PPM1H: variants seen among roughly 807,000 people sequenced by gnomAD.
PPM1H encodes protein phosphatase 1H.
Under a neutral mutation model 54.9 loss-of-function variants are expected in PPM1H, and 27 were observed. The observed-to-expected ratio is 0.49, with a 90% CI of 0.36 to 0.68. PPM1H has a LOEUF of 0.68. Among genes scored for constraint, PPM1H ranks in the 30% least tolerant of loss-of-function variants. The pLI, the probability that PPM1H is intolerant of heterozygous loss-of-function variation, is 0.00. For synonymous variants in PPM1H, 305 were observed against 270.8 expected, an observed-to-expected ratio of 1.13 and a Z score of -1.24; for missense variants, 596 against 667.8, an observed-to-expected ratio of 0.89 and a Z score of 1.19.
chr12:62,819,458 T>C (rs2076889160), intron 2 of PPM1H, among the ~76,000 whole-genome samples: 1 of 152,166 alleles, frequency 6.6e-6, no homozygotes, highest in African/African-American at 2.4e-5. Context: ...AAAGGAGAAA[T>C]GTTTATTGTT....
intron 4 of PPM1H, among the ~76,000 whole-genome samples, chr12:62,765,624 AAG>A (rs548936688): frequency 6.6e-6 from 1 of 152,176 alleles, no homozygotes; most frequent in Admixed American, 6.5e-5. Context: ...CCTATTAGGG[AAG>A]AGAGAGAGAC....
intron 1 of PPM1H, among the ~76,000 whole-genome samples, chr12:62,916,991 G>T: frequency 6.6e-6 from 1 of 151,118 alleles, no homozygotes; most frequent in East Asian, 1.9e-4. Flanking sequence ...CTGATTAACA[G>T]TACCATTCTG....
chr12:62,893,798 T>C (rs1199861928), intron 1 of PPM1H, among the ~76,000 whole-genome samples: 1 of 152,182 alleles, frequency 6.6e-6, no homozygotes, highest in Non-Finnish European at 1.5e-5. Context: ...TCATTTAATC[T>C]GAATTACCTC....
intron 4 of PPM1H, among the ~76,000 whole-genome samples, chr12:62,771,389 C>T (rs1483432072): frequency 6.6e-6 from 1 of 151,544 alleles, no homozygotes; most frequent in Non-Finnish European, 1.5e-5. Flanking sequence ...CCACATCTAA[C>T]CTGGTAAGAA....
At chr12:62,796,942 A>G (rs1459902859) in intron 3 of PPM1H, among the ~76,000 whole-genome samples, 1 of 152,190 alleles carries the variant, frequency 6.6e-6, no homozygotes, top group Non-Finnish European at 1.5e-5. Flanking sequence ...GACCCCATCC[A>G]GAAGCTACCC....
intron 8 of PPM1H, among the ~76,000 whole-genome samples, chr12:62,676,846 G>A (rs774641494): frequency 6.6e-6 from 1 of 152,130 alleles, no homozygotes; most frequent in Admixed American, 6.5e-5. Flanking sequence ...ACAGGTTCCT[G>A]GGGGGAAAGG....
At chr12:62,652,342 A>G (rs1278876000) in intron 9 of PPM1H, among the ~76,000 whole-genome samples, 1 of 152,202 alleles carries the variant, frequency 6.6e-6, no homozygotes. Flanking sequence ...CTTCCCAAGT[A>G]GCTAGGACTA....
intron 2 of PPM1H, among the ~76,000 whole-genome samples, chr12:62,803,000 C>T (rs929768437): frequency 6.7e-5 from 10 of 149,318 alleles, no homozygotes; most frequent in Admixed American, 6.6e-4. Flanking sequence ...GACCCATTTT[C>T]CCCTTTTAGA....
At chr12:62,778,776 T>C (rs1281086575) in intron 4 of PPM1H, among the ~76,000 whole-genome samples, 1 of 151,756 alleles carries the variant, frequency 6.6e-6, no homozygotes, top group Non-Finnish European at 1.5e-5. Flanking sequence ...CTACAAAAAA[T>C]AAAAATTAGC....
chr12:62,788,106 T>C (rs1343578935), intron 4 of PPM1H, 120 bp downstream of exon 4: 1 of 716,588 alleles, frequency 1.4e-6, no homozygotes, highest in Non-Finnish European at 2.3e-6. Context: ...CTTAAATGCA[T>C]TTTCATTCTG....
chr12:62,672,102 C>A (rs1355537213), intron 8 of PPM1H, among the ~76,000 whole-genome samples: 1 of 152,180 alleles, frequency 6.6e-6, no homozygotes, highest in African/African-American at 2.4e-5. Context: ...ATCGTCGAAA[C>A]TGATTGTTCC....
At chr12:62,896,751 T>C (rs1346511825) in intron 1 of PPM1H, among the ~76,000 whole-genome samples, 1 of 152,172 alleles carries the variant, frequency 6.6e-6, no homozygotes, top group African/African-American at 2.4e-5. Context: ...CATTACCGGG[T>C]ATATACCCAA....
intron 1 of PPM1H, among the ~76,000 whole-genome samples, chr12:62,879,133 G>C (rs1255731526): frequency 1.3e-5 from 2 of 152,220 alleles, no homozygotes; most frequent in Admixed American, 1.3e-4. Flanking sequence ...GTGGGGGCGA[G>C]AGCAGGAGGT....
chr12:62,911,358 T>C (rs770934913), intron 1 of PPM1H, among the ~76,000 whole-genome samples: 1 of 152,238 alleles, frequency 6.6e-6, no homozygotes, highest in Non-Finnish European at 1.5e-5. Context: ...ATTTTTACTT[T>C]AACACATTTT....
At chr12:62,825,809 C>G (rs1297585439) in intron 2 of PPM1H, among the ~76,000 whole-genome samples, 1 of 150,278 alleles carries the variant, frequency 6.7e-6, no homozygotes, top group Non-Finnish European at 1.5e-5. Flanking sequence ...GTGCAGCAAA[C>G]CAACATGGCA....
chr12:62,663,286 ATTGGAG>A (rs1012795591), intron 9 of PPM1H, among the ~76,000 whole-genome samples: 4 of 151,988 alleles, frequency 2.6e-5, no homozygotes, highest in African/African-American at 7.2e-5. Context: ...TGGTCCTACC[ATTGGAG>A]TTTTTATTTC....
At chr12:62,917,080 G>A (rs1427582452) in intron 1 of PPM1H, among the ~76,000 whole-genome samples, 1 of 152,216 alleles carries the variant, frequency 6.6e-6, no homozygotes, top group African/African-American at 2.4e-5. Flanking sequence ...TTTGACTTAT[G>A]TGAATTTTCA....
At chr12:62,835,350 T>C (rs1459295560) in intron 1 of PPM1H, among the ~76,000 whole-genome samples, 1 of 152,244 alleles carries the variant, frequency 6.6e-6, no homozygotes, top group South Asian at 2.1e-4. Context: ...TGGATGATCA[T>C]GACTGGCGCA....
chr12:62,807,415 A>G (rs1408994833), intron 2 of PPM1H, among the ~76,000 whole-genome samples: 3 of 152,232 alleles, frequency 2.0e-5, no homozygotes, highest in African/African-American at 7.2e-5. Context: ...ACATTTAAAC[A>G]ATGAAAAGTG....
Sources: gnomAD v4.1 joint callset for allele counts (sites outside exome capture counted in the v4.1 genomes callset) on GRCh38, gnomAD v4.1.1 for gene constraint, MANE v1.5 for transcripts, NCBI Gene and HGNC (gene_info 2026-07-23, HGNC 2026-07-21) for gene names.